The following SEC23IP variants were observed in gnomAD, a reference collection of about 807,000 sequenced individuals.
The protein encoded by SEC23IP is SEC23-interacting protein.
In SEC23IP, 70 loss-of-function variants were observed where a neutral mutation model predicts 113.4. That is an observed-to-expected ratio of 0.62 (90% CI 0.51 to 0.75). The LOEUF is 0.75. Ranked by LOEUF, SEC23IP falls within the 30% of genes least tolerant of loss-of-function variation. The pLI, the probability that SEC23IP is intolerant of heterozygous loss-of-function variation, is 0.00. For missense variants in SEC23IP, 1,160 were observed against 1,204.9 expected, an observed-to-expected ratio of 0.96 and a Z score of 0.55; for synonymous variants, 398 against 421.0, an observed-to-expected ratio of 0.95 and a Z score of 0.67.
chr10:119,914,507 G>T (rs1266497033), intron 6 of SEC23IP: 4 of 500,872 alleles, frequency 8.0e-6, no homozygotes, highest in Non-Finnish European at 1.4e-5. Context: ...CAGGAACAGA[G>T]AGAGCCTGCT....
chr10:119,931,555 A>AT (rs755087472), intron 15 of SEC23IP, among the ~76,000 whole-genome samples: 1,810 of 135,250 alleles, frequency 0.013, 30 homozygotes, highest in African/African-American at 0.04. Context: ...ATGTGCTTAC[A>AT]TTTTTTTTTT....
At chr10:119,905,454 C>A (rs910483095) in intron 4 of SEC23IP, among the ~76,000 whole-genome samples, 3 of 152,114 alleles carry the variant, frequency 2.0e-5, no homozygotes, top group Non-Finnish European at 2.9e-5. Context: ...GATAGATATC[C>A]ACATACTGAC....
intron 10 of SEC23IP, 130 bp from the exon 11 acceptor site, chr10:119,919,314 G>T: frequency 1.2e-6 from 1 of 827,992 alleles, no homozygotes; most frequent in Non-Finnish European, 1.8e-6. Context: ...AACTTTGAAT[G>T]GCAAAGTACT....
intron 18 of SEC23IP, among the ~76,000 whole-genome samples, chr10:119,938,653 G>T (rs1023479694): frequency 6.6e-6 from 1 of 152,104 alleles, no homozygotes; most frequent in Admixed American, 6.5e-5. Flanking sequence ...CAGTTATCCC[G>T]AATGAAGTTC....
At chr10:119,900,416 C>A (rs1047620015) in intron 2 of SEC23IP, among the ~76,000 whole-genome samples, 1 of 151,500 alleles carries the variant, frequency 6.6e-6, no homozygotes, top group Non-Finnish European at 1.5e-5. Flanking sequence ...TTCAAGTGAT[C>A]CCCCTACCTC....
At chr10:119,926,346 A>G in intron 13 of SEC23IP, 119 bp downstream of exon 13, 1 of 1,094,734 alleles carries the variant, frequency 9.1e-7, no homozygotes, top group Non-Finnish European at 1.3e-6. Flanking sequence ...TGTGGAAAAA[A>G]CTGATTTTCT....
At position 119,912,180 on chromosome 10, in the gene SEC23IP, T is replaced by G; in HGVS notation, c.1312+16T>G. The G allele has an allele frequency of 1.2e-6, 2 of 1,613,524 alleles. No homozygotes were observed. Among genetic ancestry groups the G allele is most frequent in the Non-Finnish European group, 1.7e-6 (2 of 1,179,598 alleles). ...ATTCCCGACGGTGTGTATAGTTTGTTTAGAACTGAGGTCTGTTTTAGTCCT... is the reference window on the plus strand; with the variant it reads ...ATTCCCGACGGTGTGTATAGTTTGTGTAGAACTGAGGTCTGTTTTAGTCCT... On this transcript the variant is annotated intron_variant, in intron 6 of 18. Transcript: ENST00000369075.
chr10:119,900,281 ATG>A (rs35080845), intron 2 of SEC23IP, among the ~76,000 whole-genome samples: 3 of 137,034 alleles, frequency 2.2e-5, no homozygotes, highest in Non-Finnish European at 4.9e-5. Flanking sequence ...GTGTGTGTGT[ATG>A]TGTGTGTGTG....
chr10:119,892,984 G>C, intron 1 of SEC23IP, 39 bp downstream of exon 1: 1 of 1,584,778 alleles, frequency 6.3e-7, no homozygotes, highest in Non-Finnish European at 8.6e-7. Context: ...GGTGGGAGGC[G>C]GGCGGGGGAC....
chr10:119,930,792 G>A (rs1159143372), intron 15 of SEC23IP, among the ~76,000 whole-genome samples: 4 of 152,212 alleles, frequency 2.6e-5, no homozygotes, highest in Non-Finnish European at 4.4e-5. Flanking sequence ...GTCGAAGTGA[G>A]CTGTTATTTT....
chr10:119,895,356 C>T (rs1027950244), intron 1 of SEC23IP, among the ~76,000 whole-genome samples: 5 of 152,110 alleles, frequency 3.3e-5, no homozygotes, highest in Admixed American at 6.6e-5. Flanking sequence ...CCACCCTGGG[C>T]GACAGAGTGA....
rs768186966 is a variant in SEC23IP at position 119,927,050 on chromosome 10, C to T, written c.2313+823C>T. Reference sequence around the variant, plus strand: ...AGGTAGCTGGGAGTGTAGCCCTGCACCACCACACCTGGCTAATTTTTTCAT... The same window carrying T: ...AGGTAGCTGGGAGTGTAGCCCTGCATCACCACACCTGGCTAATTTTTTCAT... On this transcript the variant is annotated intron_variant, in intron 13 of 18. Transcript: ENST00000369075. 7.8e-4 allele frequency among the ~76,000 whole-genome samples: 118 copies of T among 152,114 alleles called. 2 individuals are homozygous for T. The highest frequency in any genetic ancestry group is 5.9e-4 in the Admixed American group (9 of 15,256).
At chr10:119,925,888 A>C in intron 12 of SEC23IP, 148 bp from the exon 13 acceptor site, 6 of 699,446 alleles carry the variant, frequency 8.6e-6, no homozygotes, top group Non-Finnish European at 1.2e-5. Flanking sequence ...AGAGAATAAA[A>C]AGGCATTTTT....
chr10:119,916,478 T>C lies in SEC23IP; in HGVS notation c.1544+589T>C, dbSNP rs377219838. Among the ~76,000 whole-genome samples, 545 of 152,358 alleles carry C rather than the reference T, an allele frequency of 3.6e-3. 1 individual carries two copies. The highest frequency in any genetic ancestry group is 0.013 in the African/African-American group (523 of 41,578). ...CAGGTAATAGTTATGCTGGCACATG[T>C]CTAGATTTTAGTGAACACCGTAATG... On this transcript the variant is annotated intron_variant, in intron 8 of 18. Transcript: ENST00000369075.
chr10:119,904,478 T>G lies in SEC23IP; in HGVS notation c.1101+201T>G. 8 of 559,882 alleles carry G rather than the reference T, an allele frequency of 1.4e-5. No homozygotes were observed. The South Asian group carries it at 1.5e-4, about 11-fold the overall frequency. 34.7% of individuals were successfully genotyped at this position (559,882 alleles called of 1,614,324 possible). A position where few individuals can be genotyped will look rare whatever the true frequency, so the allele number is the denominator to read the frequency against. Reference sequence around the variant, plus strand: ...GGCATCTGTGTCTAAAGATAGAATATGATTTGCAGAGACACATCACAGATC... The same window carrying G: ...GGCATCTGTGTCTAAAGATAGAATAGGATTTGCAGAGACACATCACAGATC... On this transcript the variant is annotated intron_variant, in intron 4 of 18. Transcript: ENST00000369075.
chr10:119,906,796 G>A (rs1170691487), intron 4 of SEC23IP, among the ~76,000 whole-genome samples: 3 of 151,800 alleles, frequency 2.0e-5, no homozygotes, highest in African/African-American at 2.4e-5. Flanking sequence ...GGATGGTCTC[G>A]AATTCCTGAC....
At chr10:119,922,463 A>G (rs1855280476) in intron 12 of SEC23IP, among the ~76,000 whole-genome samples, 1 of 152,136 alleles carries the variant, frequency 6.6e-6, no homozygotes, top group Admixed American at 6.6e-5. Flanking sequence ...ATTCTATCAC[A>G]AGTTATGATT....
chr10:119,914,060 T>C (rs1057292330), intron 6 of SEC23IP, among the ~76,000 whole-genome samples: 3 of 152,126 alleles, frequency 2.0e-5, no homozygotes, highest in Admixed American at 2.0e-4. Context: ...CTCAGGAAGC[T>C]GAAGCAAGAG....
chr10:119,939,944 G>T (rs1025581883), intron 18 of SEC23IP, among the ~76,000 whole-genome samples: 2 of 152,068 alleles, frequency 1.3e-5, no homozygotes, highest in Non-Finnish European at 2.9e-5. Context: ...TGATCCACTT[G>T]CCTCGGCCTC....
Sources: allele counts gnomAD v4.1 joint callset (sites outside exome capture counted in the v4.1 genomes callset), GRCh38; gene constraint gnomAD v4.1.1; transcripts MANE v1.5; gene names NCBI Gene and HGNC (gene_info 2026-07-23, HGNC 2026-07-21).